Variants in SH3GL2 observed in about 807,000 individuals in gnomAD.
SH3GL2 encodes SH3 domain containing GRB2 like 2, endophilin A1, also known as endophilin-A1.
SH3GL2 carries 24 observed loss-of-function variants against 46.0 expected under a neutral mutation model. The observed-to-expected ratio is 0.52, with a 90% CI of 0.38 to 0.73. SH3GL2 has a LOEUF of 0.73. Ranked by LOEUF, SH3GL2 falls within the 30% of genes least tolerant of loss-of-function variation. The pLI, the probability that SH3GL2 is intolerant of heterozygous loss-of-function variation, is 0.00. For missense variants in SH3GL2, 413 were observed against 424.2 expected, an observed-to-expected ratio of 0.97 and a Z score of 0.23; for synonymous variants, 196 against 147.1, an observed-to-expected ratio of 1.33 and a Z score of -2.40.
chr9:17,592,192 CAGG>C (rs971964112), intron 1 of SH3GL2, among the ~76,000 whole-genome samples: 3 of 152,192 alleles, frequency 2.0e-5, no homozygotes, highest in South Asian at 4.1e-4. Context: ...TGTCCAAGGG[CAGG>C]AGAAGATGGA....
Position 17,579,069 on chromosome 9 carries a change from A to T in SH3GL2, c.-174A>T, listed in dbSNP as rs1433714781. On this transcript the variant is annotated 5_prime_UTR_variant, in exon 1 of 9. Coordinates refer to ENST00000380607, the MANE Select transcript of SH3GL2 (RefSeq NM_003026.5). Reference sequence around the variant, plus strand: ...GGCCGCATCACCCGCCCTTGACGTCAGAGTGTTTCTCCGCAAGAGCCCGTG... The same window carrying T: ...GGCCGCATCACCCGCCCTTGACGTCTGAGTGTTTCTCCGCAAGAGCCCGTG... 8.6e-6 allele frequency: 4 copies of T among 466,176 alleles called. No homozygotes were observed. Among genetic ancestry groups the T allele is most frequent in the African/African-American group, 6.2e-5 (3 of 48,020 alleles). 28.9% of individuals were successfully genotyped at this position (466,176 alleles called of 1,614,324 possible).
intron 1 of SH3GL2, among the ~76,000 whole-genome samples, chr9:17,664,675 A>G (rs1298258109): frequency 6.6e-6 from 1 of 151,438 alleles, no homozygotes; most frequent in African/African-American, 2.4e-5. Flanking sequence ...TATAATATAT[A>G]GAAGTATATA....
At position 17,617,193 on chromosome 9, in the gene SH3GL2, G is replaced by T. The variant is rs761113519; in HGVS notation, c.45+37906G>T. ...TTCTGTTGTATTATTATGCCATGAT[G>T]TATTTAAGGAATATGCTATTGGTGG... is the stretch of plus-strand genomic sequence containing the variant. On this transcript the variant is annotated intron_variant, in intron 1 of 8. Coordinates refer to ENST00000380607, the MANE Select transcript of SH3GL2 (RefSeq NM_003026.5). Among the ~76,000 whole-genome samples the T allele has an allele frequency of 4.1e-4, 63 of 152,300 alleles. 1 individual carries two copies. The highest frequency in any genetic ancestry group is 6.9e-4 in the Non-Finnish European group (47 of 68,024).
At chr9:17,762,182 G>T (rs1230628429) in intron 3 of SH3GL2, among the ~76,000 whole-genome samples, 2 of 152,160 alleles carry the variant, frequency 1.3e-5, no homozygotes, top group Non-Finnish European at 2.9e-5. Flanking sequence ...CCATTCCTGT[G>T]TGTCAGTTTC....
chr9:17,780,153 A>G (rs1262537740), intron 3 of SH3GL2, among the ~76,000 whole-genome samples: 1 of 152,184 alleles, frequency 6.6e-6, no homozygotes, highest in Admixed American at 6.5e-5. Flanking sequence ...TCAATGAACT[A>G]TTATAAACTT....
chr9:17,782,266 T>C (rs1171483588), intron 3 of SH3GL2, among the ~76,000 whole-genome samples: 1 of 152,050 alleles, frequency 6.6e-6, no homozygotes, highest in African/African-American at 2.4e-5. Context: ...GTAGGACTCA[T>C]GATTTAGCTT....
rs1434121794 is a variant in SH3GL2, at chr9:17,747,081, G to T, written c.61G>T (p.Val21Phe). 1 of 1,607,142 alleles carries T rather than the reference G, an allele frequency of 6.2e-7. No homozygotes were observed. The highest frequency in any genetic ancestry group is 8.5e-7 in the Non-Finnish European group (1 of 1,173,848). ...TTTTCTACAGAAAGTGAGTGAGAAG[G>T]TTGGAGGAGCTGAAGGAACCAAGCT... ...HKATQKVSEK[V>F]GGAEGTKLDD... The change falls in exon 2 of 9, where the codon GTT becomes TTT. Residue 21 changes from valine (V) to phenylalanine (F), a missense_variant. Physicochemically the swap from Val to Phe is conservative, Grantham distance 50. Transcript: ENST00000380607.
At chr9:17,623,611 C>T (rs1407213460) in intron 1 of SH3GL2, among the ~76,000 whole-genome samples, 2 of 151,796 alleles carry the variant, frequency 1.3e-5, no homozygotes. Context: ...GCTTGGAAAT[C>T]ATTTCAAATT....
intron 1 of SH3GL2, among the ~76,000 whole-genome samples, chr9:17,630,921 A>G (rs1478408173): frequency 6.6e-6 from 1 of 152,192 alleles, no homozygotes; most frequent in Non-Finnish European, 1.5e-5. Flanking sequence ...CAATGACTGT[A>G]GAAAATTAGA....
intron 1 of SH3GL2, among the ~76,000 whole-genome samples, chr9:17,680,870 C>A (rs1442008301): frequency 2.6e-5 from 4 of 151,990 alleles, no homozygotes; most frequent in African/African-American, 9.7e-5. Context: ...TTTATTTCTG[C>A]CTTCATTTCG....
chr9:17,638,434 A>C (rs553359960), intron 1 of SH3GL2, among the ~76,000 whole-genome samples: 1 of 152,318 alleles, frequency 6.6e-6, no homozygotes, highest in African/African-American at 2.4e-5. Flanking sequence ...CAGTAGAGAG[A>C]GACAAAAAAG....
rs143876734 is a variant in SH3GL2, at chr9:17,780,119, A to G, written c.188-6262A>G. Among the ~76,000 whole-genome samples, 681 of 152,306 alleles carry G rather than the reference A, an allele frequency of 4.5e-3. 3 individuals are homozygous for G. Among genetic ancestry groups the G allele is most frequent in the African/African-American group, 0.015 (624 of 41,566 alleles). On this transcript the variant is annotated intron_variant, in intron 3 of 8. Transcript: ENST00000380607. ...TGATCTGTAACATACAAAAAGTACA[A>G]CACATATATCATAAGTATATTGCTC...
At chr9:17,728,957 G>C (rs1355259851) in intron 1 of SH3GL2, among the ~76,000 whole-genome samples, 1 of 152,120 alleles carries the variant, frequency 6.6e-6, no homozygotes, top group Non-Finnish European at 1.5e-5. Context: ...TGTCTTTATG[G>C]TAGAATGATT....
intron 1 of SH3GL2, among the ~76,000 whole-genome samples, chr9:17,734,228 A>G (rs895431787): frequency 6.6e-6 from 1 of 152,126 alleles, no homozygotes; most frequent in African/African-American, 2.4e-5. Flanking sequence ...TTTGGAAAGT[A>G]TCTTTGTTTC....
Position 17,774,531 on chromosome 9 carries a change from T to C in SH3GL2, c.188-11850T>C, listed in dbSNP as rs193302364. ...TAGTCAACACTTATTCCTGCATCAA[T>C]TGAGATGATCGTGTGTGTGGTTTTT... On this transcript the variant is annotated intron_variant, in intron 3 of 8. Coordinates refer to ENST00000380607, the MANE Select transcript of SH3GL2 (RefSeq NM_003026.5). 7.9e-5 allele frequency among the ~76,000 whole-genome samples: 12 copies of C among 151,148 alleles called. No homozygotes were observed. In the East Asian group the frequency reaches 2.1e-3, roughly 27 times the overall value.
At chr9:17,692,687 C>A (rs1821111896) in intron 1 of SH3GL2, among the ~76,000 whole-genome samples, 1 of 151,658 alleles carries the variant, frequency 6.6e-6, no homozygotes. Flanking sequence ...CTAGGAGGGG[C>A]AGAGGTGGAT....
chr9:17,610,577 C>T (rs1339224591), intron 1 of SH3GL2, among the ~76,000 whole-genome samples: 1 of 152,116 alleles, frequency 6.6e-6, no homozygotes, highest in Non-Finnish European at 1.5e-5. Flanking sequence ...TGGAGAAACC[C>T]TCAACTGTTA....
chr9:17,629,889 A>G (rs926070564), intron 1 of SH3GL2, among the ~76,000 whole-genome samples: 9 of 152,110 alleles, frequency 5.9e-5, no homozygotes, highest in Non-Finnish European at 1.3e-4. Flanking sequence ...TTTTCTGTAT[A>G]TATTTTGGGG....
intron 1 of SH3GL2, among the ~76,000 whole-genome samples, chr9:17,623,228 C>G (rs924743761): frequency 6.6e-6 from 1 of 151,928 alleles, no homozygotes; most frequent in Non-Finnish European, 1.5e-5. Context: ...AAGTTAGTCT[C>G]TGGTGTCTAA....
Sources: gnomAD v4.1 joint callset for allele counts (sites outside exome capture counted in the v4.1 genomes callset) on GRCh38, gnomAD v4.1.1 for gene constraint, MANE v1.5 for transcripts, NCBI Gene and HGNC (gene_info 2026-07-23, HGNC 2026-07-21) for gene names.